FAT1: variants seen among roughly 807,000 people sequenced by gnomAD.
FAT1 encodes the protein FAT atypical cadherin 1.
Under a neutral mutation model 329.8 loss-of-function variants are expected in FAT1, and 171 were observed. The ratio of observed to expected loss-of-function variants is 0.52; its 90% CI spans 0.46 to 0.59. The LOEUF is 0.59. Among genes scored for constraint, FAT1 ranks in the 20% least tolerant of loss-of-function variants. FAT1 has a pLI of 0.00. For synonymous variants in FAT1, 2,233 were observed against 2,228.6 expected, an observed-to-expected ratio of 1.00 and a Z score of -0.06; for missense variants, 5,672 against 5,774.4, an observed-to-expected ratio of 0.98 and a Z score of 0.57.
At position 186,600,089 on chromosome 4, in the gene FAT1, T is replaced by C. The variant is rs745951781; in HGVS notation, c.11912A>G (p.Asn3971Ser). The C allele has an allele frequency of 1.9e-5, 31 of 1,613,886 alleles. No homozygotes were observed. Among genetic ancestry groups the C allele is most frequent in the South Asian group, 4.4e-5 (4 of 91,086 alleles). Residue 3971 changes from asparagine (N) to serine (S), a missense_variant, in exon 22 of 27, where the codon AAT becomes AGT. Coordinates refer to ENST00000441802, the MANE Select transcript of FAT1 (RefSeq NM_005245.4). ...TRHGRSPQVG[N>S]GFRGCMDSIY... ...GGAGTCCATACAACCCCTGAAACCA[T>C]TACCAACTTGAGGACTTCTTCCATG... is the stretch of plus-strand genomic sequence containing the variant.
Position 186,628,584 on chromosome 4 carries a change from ACT to A in FAT1, c.4501_4502del (p.Leu1502GlnfsTer6). On this transcript the variant is annotated frameshift_variant, in exon 8 of 27. Transcript: ENST00000441802. LOFTEE classifies it high-confidence loss of function. ...CAGGATCAAGACGAAATTTCTTGAGACTCAGTGGATCTCTACTGCTCTGCAGA... is the reference window on the plus strand; with the variant it reads ...CAGGATCAAGACGAAATTTCTTGAGACAGTGGATCTCTACTGCTCTGCAGA... ...YTLQSSRDPL[S>X]LKKFRLDPAT... The A allele has an allele frequency of 6.2e-7, 1 of 1,613,898 alleles. No homozygotes were observed. The highest frequency in any genetic ancestry group is 8.5e-7 in the Non-Finnish European group (1 of 1,179,870).
At chr4:186,648,447 G>A (rs1052652372) in intron 3 of FAT1, among the ~76,000 whole-genome samples, 2 of 152,078 alleles carry the variant, frequency 1.3e-5, no homozygotes, top group African/African-American at 4.8e-5. Flanking sequence ...AAATATTGAA[G>A]TGGCATATCC....
chr4:186,599,217 A>G (rs1203840476), intron 22 of FAT1, among the ~76,000 whole-genome samples: 1 of 152,198 alleles, frequency 6.6e-6, no homozygotes, highest in African/African-American at 2.4e-5. Context: ...ACAGAATGCA[A>G]ATATACCTCC....
intron 4 of FAT1, among the ~76,000 whole-genome samples, chr4:186,637,490 G>A (rs1740888038): frequency 6.6e-6 from 1 of 151,972 alleles, no homozygotes; most frequent in Non-Finnish European, 1.5e-5. Flanking sequence ...GATTTTTATA[G>A]GAGTGGACCT....
chr4:186,592,271 C>T (rs1394037878), intron 26 of FAT1, among the ~76,000 whole-genome samples: 1 of 152,182 alleles, frequency 6.6e-6, no homozygotes, highest in African/African-American at 2.4e-5. Flanking sequence ...ATGCTCTACA[C>T]CCTTTTCTTT....
chr4:186,614,351 A>T lies in FAT1; in HGVS notation c.9076-7T>A. 1 of 1,521,852 alleles carries T rather than the reference A, an allele frequency of 6.6e-7. No homozygotes were observed. The highest frequency in any genetic ancestry group is 8.8e-7 in the Non-Finnish European group (1 of 1,140,302). The allele number at this position is 1,521,852 out of a possible 1,614,324, so 94.3% of individuals were successfully genotyped here. On this transcript the variant is annotated splice_polypyrimidine_tract_variant and splice_region_variant and intron_variant, in intron 11 of 26. Transcript: ENST00000441802. ...TAGTGTCTGAATATAAAGTCTGCAAAGAGTTTAAACAAAAACGTTACATAA... is the reference window on the plus strand; with the variant it reads ...TAGTGTCTGAATATAAAGTCTGCAATGAGTTTAAACAAAAACGTTACATAA...
intron 2 of FAT1, among the ~76,000 whole-genome samples, chr4:186,675,815 A>G (rs917048129): frequency 1.3e-5 from 2 of 149,376 alleles, no homozygotes; most frequent in Non-Finnish European, 2.9e-5. Flanking sequence ...ACACACACAC[A>G]CACACACACA....
Position 186,613,153 on chromosome 4 carries a change from G to C in FAT1, c.9419C>G (p.Pro3140Arg), listed in dbSNP as rs375308616. Residue 3140 changes from proline to arginine, a missense_variant, in exon 13 of 27, where the codon CCG (proline) becomes CGG (arginine). By Grantham distance (103) the Pro-to-Arg change is moderately radical. Around this residue, in one of 2 missense-constraint regions of FAT1, gnomAD observed 3,966 missense variants for 3,915.2 expected, o/e 1.01. Coordinates refer to ENST00000441802, the MANE Select transcript of FAT1 (RefSeq NM_005245.4). ...YAITVFENTE[P>R]GTLLTRVQAT... is the part of the protein sequence containing the mutation. ...CTGCACTCTTGTCAGCAGCGTTCCC[G>C]GCTCTGTGTTTTCAAACACGGTGAT... is the stretch of plus-strand genomic sequence containing the variant. 2 of 1,613,366 alleles carry C rather than the reference G, an allele frequency of 1.2e-6. No individual in the cohort carries two copies. Among genetic ancestry groups the C allele is most frequent in the Non-Finnish European group, 1.7e-6 (2 of 1,179,860 alleles).
At chr4:186,683,195 T>C (rs561823441) in intron 2 of FAT1, among the ~76,000 whole-genome samples, 6 of 152,232 alleles carry the variant, frequency 3.9e-5, no homozygotes, top group African/African-American at 1.4e-4. Context: ...AAGGAGGCCA[T>C]GCACACCCTG....
chr4:186,711,410 C>T (rs1410737732), intron 1 of FAT1, among the ~76,000 whole-genome samples: 4 of 151,876 alleles, frequency 2.6e-5, no homozygotes, highest in African/African-American at 9.7e-5. Flanking sequence ...ACAATTTTCT[C>T]CCAAAACTAT....
chr4:186,706,461 A>C, intron 2 of FAT1, 102 bp downstream of exon 2: 1 of 1,289,870 alleles, frequency 7.8e-7, no homozygotes, highest in Non-Finnish European at 1.1e-6. Context: ...CCGAGCCCAA[A>C]GAGCAACAGG....
rs980056153 is a variant in FAT1, at chr4:186,681,019, G to A, written c.3266-17406C>T. On this transcript the variant is annotated intron_variant, in intron 2 of 26. Transcript: ENST00000441802. ...GGCCTTACCTTAACATGGTATCAGT[G>A]ACTTTGACCTAGGCACACATCTCAA... is the stretch of plus-strand genomic sequence containing the variant. Among the ~76,000 whole-genome samples the A allele has an allele frequency of 3.9e-5, 6 of 152,312 alleles. No individual in the cohort carries two copies. The East Asian group carries it at 1.2e-3, about 29-fold the overall frequency.
At chr4:186,700,777 G>C (rs545927981) in intron 2 of FAT1, among the ~76,000 whole-genome samples, 7 of 152,172 alleles carry the variant, frequency 4.6e-5, no homozygotes, top group Non-Finnish European at 1.0e-4. Flanking sequence ...GAGTCCACCC[G>C]GTGGTTGTGA....
chr4:186,663,345 AATT>A lies in FAT1; in HGVS notation c.3531_3533del (p.Lys1177_Ile1178delinsAsn). ...AGAATCCTTGTGGATTTCCACTTGT[AATT>A]TTGTACATGAGCTTGTCATTAGAGC... On this transcript the variant is annotated inframe_deletion, in exon 3 of 27. Transcript: ENST00000441802. 6.2e-7 allele frequency: 1 copy of A among 1,613,992 alleles called. No individual in the cohort carries two copies.
chr4:186,599,983 A>G lies in FAT1; in HGVS notation c.12018T>C (p.Ser4006=), dbSNP rs778435178. The change falls in exon 22 of 27, where the codon TCT becomes TCC. Residue 4006 remains serine (S), a synonymous_variant. Transcript: ENST00000441802. ...CCGTGGCCGTCAGGAAGCAGCCTGG[A>G]GATACATCCACCGACTCTTCGATGT... ...YAHIEESVDV[S]PGCFLTATED... is the part of the protein sequence containing the mutation. 166 of 1,613,846 alleles carry G rather than the reference A, an allele frequency of 1.0e-4. No individual in the cohort carries two copies. The highest frequency in any genetic ancestry group is 1.4e-4 in the Non-Finnish European group (164 of 1,179,888).
At chr4:186,652,332 A>T (rs948999053) in intron 3 of FAT1, among the ~76,000 whole-genome samples, 1 of 152,218 alleles carries the variant, frequency 6.6e-6, no homozygotes, top group Non-Finnish European at 1.5e-5. Flanking sequence ...AATCTCAGGC[A>T]CCCAAATGCA....
At chr4:186,630,189 C>T (rs887811915) in intron 7 of FAT1, among the ~76,000 whole-genome samples, 27 of 152,186 alleles carry the variant, frequency 1.8e-4, no homozygotes, top group Admixed American at 1.6e-3. Context: ...CACAGCCTAA[C>T]CATGTCTCAT....
At chr4:186,658,821 C>T (rs540586763) in intron 3 of FAT1, among the ~76,000 whole-genome samples, 4 of 152,222 alleles carry the variant, frequency 2.6e-5, no homozygotes, top group South Asian at 2.1e-4. Flanking sequence ...CCACTTCCAC[C>T]GGACCCGTGA....
At chr4:186,661,449 T>C (rs1742166172) in intron 3 of FAT1, among the ~76,000 whole-genome samples, 1 of 152,166 alleles carries the variant, frequency 6.6e-6, no homozygotes, top group Non-Finnish European at 1.5e-5. Flanking sequence ...GCCTAGGCAA[T>C]GAAGTCTCCA....
Sources: allele counts gnomAD v4.1 joint callset (sites outside exome capture counted in the v4.1 genomes callset), GRCh38; gene constraint gnomAD v4.1.1; regional missense constraint gnomAD v4.1.1; transcripts MANE v1.5; gene names NCBI Gene and HGNC (gene_info 2026-07-23, HGNC 2026-07-21).